ARID4A: variants seen among roughly 807,000 people sequenced by gnomAD.
The protein encoded by ARID4A is AT-rich interaction domain 4A.
Under a neutral mutation model 148.6 loss-of-function variants are expected in ARID4A, and 39 were observed. The ratio of observed to expected loss-of-function variants is 0.26; its 90% CI spans 0.20 to 0.34. The LOEUF (loss-of-function observed/expected upper bound fraction) is 0.34. Among genes scored for constraint, ARID4A ranks in the 10% least tolerant of loss-of-function variants. The pLI, the probability that ARID4A is intolerant of heterozygous loss-of-function variation, is 1.00. For synonymous variants in ARID4A, 475 were observed against 481.2 expected, an observed-to-expected ratio of 0.99 and a Z score of 0.17; for missense variants, 1,265 against 1,449.1, an observed-to-expected ratio of 0.87 and a Z score of 2.06.
chr14:58,301,833 T>C (rs971225432), intron 3 of ARID4A, 143 bp downstream of exon 3: 2 of 499,610 alleles, frequency 4.0e-6, no homozygotes, highest in African/African-American at 3.9e-5. Context: ...ACATCAAAAA[T>C]AAAGAAATAA....
intron 23 of ARID4A, 52 bp from the exon 24 acceptor site, chr14:58,371,834 G>T: frequency 1.5e-6 from 2 of 1,336,662 alleles, no homozygotes; most frequent in South Asian, 1.2e-5. Context: ...TGTTAGCTGG[G>T]TATCTTTGTG....
intron 5 of ARID4A, among the ~76,000 whole-genome samples, chr14:58,316,407 T>G (rs1224265949): frequency 6.6e-6 from 1 of 152,176 alleles, no homozygotes; most frequent in Non-Finnish European, 1.5e-5. Context: ...AGCATTTTCT[T>G]TTTAATAAAC....
chr14:58,354,435 C>T (rs2034778408), intron 17 of ARID4A, among the ~76,000 whole-genome samples: 1 of 152,140 alleles, frequency 6.6e-6, no homozygotes, highest in Non-Finnish European at 1.5e-5. Flanking sequence ...GTAATCCCAG[C>T]ACTTTGGGAG....
rs2035647908 is a variant in ARID4A at position 58,372,329 on chromosome 14, G to A, written c.*340G>A. 1 of 275,924 alleles carries A rather than the reference G, an allele frequency of 3.6e-6. No homozygotes were observed. Among genetic ancestry groups the A allele is most frequent in the Non-Finnish European group, 6.8e-6 (1 of 146,448 alleles). 17.1% of individuals were successfully genotyped at this position (275,924 alleles called of 1,614,324 possible). A position where few individuals can be genotyped will look rare whatever the true frequency, so the allele number is the denominator to read the frequency against. Reference sequence around the variant, plus strand: ...TGTTACAGAAATCGTAGACAAGCAAGTGCACATGATAAACATCAAAATATT... The same window carrying A: ...TGTTACAGAAATCGTAGACAAGCAAATGCACATGATAAACATCAAAATATT... On this transcript the variant is annotated 3_prime_UTR_variant, in exon 24 of 24. Coordinates refer to ENST00000355431, the MANE Select transcript of ARID4A (RefSeq NM_002892.4).
chr14:58,303,712 C>G (rs1182567565), intron 3 of ARID4A: 1 of 272,666 alleles, frequency 3.7e-6, no homozygotes, highest in Non-Finnish European at 8.1e-6. Flanking sequence ...GAACTTGTTC[C>G]AAATGCAAAT....
At chr14:58,343,190 T>C (rs749595235) in intron 11 of ARID4A, among the ~76,000 whole-genome samples, 43 of 152,248 alleles carry the variant, frequency 2.8e-4, no homozygotes, top group Non-Finnish European at 5.6e-4. Context: ...GAGCATTAAG[T>C]AATGACCTTC....
At position 58,373,696 on chromosome 14, in the gene ARID4A, C is replaced by T. The variant is rs2035695333; in HGVS notation, c.*1707C>T. On this transcript the variant is annotated 3_prime_UTR_variant, in exon 24 of 24. Transcript: ENST00000355431. ...CTCAATGTAAAATAAAAATGGAGCT[C>T]AGTGGGCAGTATTAATAAAGGCCAT... 5.8e-6 allele frequency: 1 copy of T among 173,646 alleles called. No individual in the cohort carries two copies. Among genetic ancestry groups the T allele is most frequent in the Admixed American group, 6.4e-5 (1 of 15,736 alleles). The allele number at this position is 173,646 out of a possible 1,614,324, so 10.8% of individuals were successfully genotyped here. A position where few individuals can be genotyped will look rare whatever the true frequency, so the allele number is the denominator to read the frequency against.
chr14:58,299,890 C>G lies in ARID4A; in HGVS notation c.6+30C>G, dbSNP rs1594853920. 10 of 1,614,094 alleles carry G rather than the reference C, an allele frequency of 6.2e-6. No individual in the cohort carries two copies. The East Asian group carries it at 2.2e-4, about 36-fold the overall frequency. ...GTGGAGTCAACTCTGCCCCGATCCT[C>G]GCGCCCTGAACACTGCCAATCCTAA... On this transcript the variant is annotated intron_variant, in intron 2 of 23. Coordinates refer to ENST00000355431, the MANE Select transcript of ARID4A (RefSeq NM_002892.4).
intron 5 of ARID4A, among the ~76,000 whole-genome samples, chr14:58,313,772 C>G (rs2032216054): frequency 6.6e-6 from 1 of 152,194 alleles, no homozygotes; most frequent in Admixed American, 6.5e-5. Flanking sequence ...GGTGCAGAGT[C>G]CCATAGCCAA....
intron 10 of ARID4A, among the ~76,000 whole-genome samples, 187 bp downstream of exon 10, chr14:58,329,791 T>C (rs2033418107): frequency 6.6e-6 from 1 of 152,244 alleles, no homozygotes; most frequent in African/African-American, 2.4e-5. Context: ...GTTTAACTTT[T>C]CGTATTTTAC....
intron 23 of ARID4A, among the ~76,000 whole-genome samples, chr14:58,368,116 G>A (rs1042838111): frequency 6.6e-6 from 1 of 152,164 alleles, no homozygotes; most frequent in Admixed American, 6.5e-5. Flanking sequence ...GAGGAAATCA[G>A]TAGGCCTGTA....
At chr14:58,369,088 G>A (rs536865263) in intron 23 of ARID4A, among the ~76,000 whole-genome samples, 2 of 152,194 alleles carry the variant, frequency 1.3e-5, no homozygotes, top group South Asian at 4.2e-4. Context: ...TTCCACTAGA[G>A]GGTCAAAAAG....
At chr14:58,354,328 CTAAT>C (rs1256846231) in intron 17 of ARID4A, among the ~76,000 whole-genome samples, 3 of 151,996 alleles carry the variant, frequency 2.0e-5, no homozygotes, top group Admixed American at 6.6e-5. Flanking sequence ...TCTAAGTCGA[CTAAT>C]TAATAAAAAA....
intron 5 of ARID4A, among the ~76,000 whole-genome samples, chr14:58,317,110 G>A (rs1346871474): frequency 2.3e-3 from 340 of 146,670 alleles, no homozygotes; most frequent in African/African-American, 8.1e-3. Context: ...GGAGAATGGC[G>A]TGAACCCGGG....
chr14:58,312,133 G>A (rs1204963427), intron 5 of ARID4A, among the ~76,000 whole-genome samples: 1 of 151,800 alleles, frequency 6.6e-6, no homozygotes, highest in African/African-American at 2.4e-5. Context: ...TGATCCACAT[G>A]TTAATTAGCT....
intron 13 of ARID4A, 97 bp downstream of exon 13, chr14:58,346,602 A>G: frequency 2.6e-6 from 2 of 756,784 alleles, no homozygotes. Flanking sequence ...TAATAAATAC[A>G]TTTTCTTAAT....
intron 8 of ARID4A, among the ~76,000 whole-genome samples, chr14:58,326,505 T>G (rs2140183154): frequency 6.6e-6 from 1 of 152,286 alleles, no homozygotes; most frequent in South Asian, 2.1e-4. Context: ...GGCTAAATAT[T>G]AGATGCGAGT....
chr14:58,356,195 A>G (rs1473108638), intron 17 of ARID4A, among the ~76,000 whole-genome samples: 1 of 152,208 alleles, frequency 6.6e-6, no homozygotes, highest in African/African-American at 2.4e-5. Context: ...CCTACATGAT[A>G]TATTGCTTTG....
In ARID4A at chr14:58,329,550, A is replaced by G. The variant is rs749690000; in HGVS notation, c.685A>G (p.Ile229Val). The change falls in exon 10 of 24, where the codon ATT (isoleucine) becomes GTT (valine). Residue 229 changes from isoleucine to valine, a missense_variant. Physicochemically the swap from Ile to Val is conservative, Grantham distance 29 (BLOSUM62 3). This residue lies in a region of ARID4A where 249 missense variants were observed against 277.2 expected (regional missense o/e 0.90). Transcript: ENST00000355431. The part of the protein sequence containing the change: ...SKFYSIARKD[I>V]KEVDILNLPE... ...TAGTTACTCTATAGCAAGAAAGGAC[A>G]TTAAGGAAGTAGACATTCTCAATCT... is the stretch of plus-strand genomic sequence containing the variant. 8.7e-6 allele frequency: 14 copies of G among 1,606,050 alleles called. No homozygotes were observed. Among genetic ancestry groups the G allele is most frequent in the South Asian group, 5.5e-5 (5 of 90,862 alleles).
Sources: gnomAD v4.1 joint callset for allele counts (sites outside exome capture counted in the v4.1 genomes callset) on GRCh38, gnomAD v4.1.1 for gene constraint, gnomAD v4.1.1 regional missense constraint, MANE v1.5 for transcripts, NCBI Gene and HGNC (gene_info 2026-07-23, HGNC 2026-07-21) for gene names.